The following KIAA2012 variants were observed in gnomAD, a reference collection of about 807,000 sequenced individuals.
KIAA2012 encodes the protein KIAA2012, also known as uncharacterized protein KIAA2012.
Under a neutral mutation model 150.6 loss-of-function variants are expected in KIAA2012, and 125 were observed. The observed-to-expected ratio is 0.83, with a 90% confidence interval of 0.72 to 0.96. The LOEUF (loss-of-function observed/expected upper bound fraction) is 0.96. Among genes scored for constraint, KIAA2012 ranks in the 40% least tolerant of loss-of-function variants. The probability of loss-of-function intolerance (pLI) is 0.00; values close to 1 mark genes in which losing one functional copy is unlikely to be tolerated. For missense variants in KIAA2012, 1,219 were observed against 1,354.9 expected, an observed-to-expected ratio of 0.90 and a Z score of 1.57; for synonymous variants, 462 against 504.7, an observed-to-expected ratio of 0.92 and a Z score of 1.13.
chr2:202,183,226 C>T (rs1419297185), intron 15 of KIAA2012, among the ~76,000 whole-genome samples: 2 of 151,990 alleles, frequency 1.3e-5, no homozygotes, highest in Non-Finnish European at 2.9e-5. Context: ...TCGAGACCAG[C>T]CTAGGCAACA....
At chr2:202,093,997 T>C (rs1689800012) in intron 4 of KIAA2012, among the ~76,000 whole-genome samples, 1 of 152,124 alleles carries the variant, frequency 6.6e-6, no homozygotes, top group African/African-American at 2.4e-5. Flanking sequence ...AACATAAGAT[T>C]TTTGGCCAGG....
chr2:202,075,263 C>G (rs1689301828), intron 2 of KIAA2012, 88 bp downstream of exon 2: 1 of 1,397,190 alleles, frequency 7.2e-7, no homozygotes, highest in Admixed American at 2.8e-5. Flanking sequence ...TTTCTTGGAC[C>G]CGGGGAAGGT....
At chr2:202,133,506 G>T (rs1196698942) in intron 12 of KIAA2012, among the ~76,000 whole-genome samples, 1 of 152,030 alleles carries the variant, frequency 6.6e-6, no homozygotes, top group African/African-American at 2.4e-5. Context: ...ATAAGTAAAA[G>T]GACTGTTATC....
At chr2:202,081,261 C>T (rs1419811036) in intron 2 of KIAA2012, among the ~76,000 whole-genome samples, 1 of 152,210 alleles carries the variant, frequency 6.6e-6, no homozygotes, top group South Asian at 2.1e-4. Context: ...TCAACAGACA[C>T]TTAAGTTGCT....
In KIAA2012 at chr2:202,126,617, A is replaced by ATGGTGG. The variant is rs60119764; in HGVS notation, c.1831+1371_1831+1376dup. Among the ~76,000 whole-genome samples the ATGGTGG allele has an allele frequency of 8.4e-3, 1,232 of 146,210 alleles. 28 individuals are homozygous for ATGGTGG. Among genetic ancestry groups the ATGGTGG allele is most frequent in the East Asian group, 0.065 (316 of 4,832 alleles). On this transcript the variant is annotated intron_variant, in intron 12 of 23. Transcript: ENST00000498697. ...GGAGCCCTCAGTAAAAATGATGATGATGGTGGTGGTGGTGGTGGTGGTGGT... is the reference window on the plus strand; with the variant it reads ...GGAGCCCTCAGTAAAAATGATGATGATGGTGGTGGTGGTGGTGGTGGTGGTGGTGGT...
At chr2:202,101,228 T>G (rs912296386) in intron 7 of KIAA2012, among the ~76,000 whole-genome samples, 6 of 152,370 alleles carry the variant, frequency 3.9e-5, no homozygotes, top group African/African-American at 1.4e-4. Context: ...CAGGGATTCA[T>G]GTCATCTGAA....
intron 22 of KIAA2012, among the ~76,000 whole-genome samples, chr2:202,201,113 TA>T (rs1692514565): frequency 1.3e-5 from 2 of 152,184 alleles, no homozygotes; most frequent in African/African-American, 4.8e-5. Flanking sequence ...TACTCCAAAT[TA>T]AAGGAAGATC....
intron 2 of KIAA2012, among the ~76,000 whole-genome samples, chr2:202,077,928 A>G (rs1689360994): frequency 1.3e-5 from 2 of 152,242 alleles, no homozygotes. Flanking sequence ...AAACTTTTAA[A>G]ATCATAATAC....
intron 15 of KIAA2012, among the ~76,000 whole-genome samples, chr2:202,167,543 A>G (rs1189205149): frequency 6.6e-6 from 1 of 152,214 alleles, no homozygotes; most frequent in East Asian, 1.9e-4. Context: ...AGTAGGAAGG[A>G]ATACTGGACA....
intron 8 of KIAA2012, among the ~76,000 whole-genome samples, chr2:202,105,449 C>T (rs1369537847): frequency 6.6e-6 from 1 of 152,202 alleles, no homozygotes; most frequent in Non-Finnish European, 1.5e-5. Flanking sequence ...CCTGCAATTC[C>T]ATGCTAATCT....
At position 202,156,702 on chromosome 2, in the gene KIAA2012, G is replaced by A. The variant is rs189018860; in HGVS notation, c.2046+1892G>A. On this transcript the variant is annotated intron_variant, in intron 14 of 23. Transcript: ENST00000498697. ...AGATCGAGACCAGCCTGGCTAACAC[G>A]GTGAAACCCCATCTCTACTAAAAAT... 8.1e-4 allele frequency among the ~76,000 whole-genome samples: 124 copies of A among 152,250 alleles called. 1 individual carries two copies. In the East Asian group the frequency reaches 0.022, roughly 27 times the overall value.
At chr2:202,079,025 G>A (rs762815837) in intron 2 of KIAA2012, among the ~76,000 whole-genome samples, 3 of 152,048 alleles carry the variant, frequency 2.0e-5, no homozygotes, top group African/African-American at 4.8e-5. Flanking sequence ...GTGAAACCCC[G>A]TTTCTACTAA....
At chr2:202,102,142 A>G (rs185004279) in intron 7 of KIAA2012, among the ~76,000 whole-genome samples, 143 of 152,164 alleles carry the variant, frequency 9.4e-4, no homozygotes, top group African/African-American at 3.4e-3. Context: ...GGAGGCTGTT[A>G]CTACTACCCC....
chr2:202,151,799 T>C (rs1218572775), intron 13 of KIAA2012, among the ~76,000 whole-genome samples: 1 of 152,212 alleles, frequency 6.6e-6, no homozygotes, highest in Non-Finnish European at 1.5e-5. Context: ...CCTTACTCTG[T>C]TGCCCAGGCT....
Position 202,205,118 on chromosome 2 carries a change from C to CT in KIAA2012, c.*142dup, listed in dbSNP as rs1311810286. ...TTGTGAAATGCCTATTTTATCAGCA[C>CT]TGCTAACCAGATAAGCACACATTTA... On this transcript the variant is annotated 3_prime_UTR_variant, in exon 24 of 24. Transcript: ENST00000498697. 1.3e-5 allele frequency: 2 copies of CT among 152,338 alleles called. No individual in the cohort carries two copies. Among genetic ancestry groups the CT allele is most frequent in the Non-Finnish European group, 2.9e-5 (2 of 68,028 alleles). 9.4% of individuals were successfully genotyped at this position (152,338 alleles called of 1,614,324 possible).
intron 21 of KIAA2012, among the ~76,000 whole-genome samples, chr2:202,196,104 C>T (rs1404411480): frequency 6.7e-6 from 1 of 150,084 alleles, no homozygotes; most frequent in Non-Finnish European, 1.5e-5. Flanking sequence ...CTTCAGCAGA[C>T]AAAACTGTGG....
intron 8 of KIAA2012, among the ~76,000 whole-genome samples, chr2:202,103,921 G>A (rs1300133699): frequency 6.6e-6 from 1 of 152,058 alleles, no homozygotes; most frequent in African/African-American, 2.4e-5. Context: ...GACTTCTCTG[G>A]GCCCTCTGGG....
chr2:202,089,665 C>G (rs1232164875), intron 2 of KIAA2012, among the ~76,000 whole-genome samples: 1 of 152,104 alleles, frequency 6.6e-6, no homozygotes, highest in Admixed American at 6.5e-5. Flanking sequence ...TTTCATGGAG[C>G]ATCCAAGAAT....
At chr2:202,079,483 C>T (rs1039835912) in intron 2 of KIAA2012, among the ~76,000 whole-genome samples, 3 of 152,226 alleles carry the variant, frequency 2.0e-5, no homozygotes, top group East Asian at 3.9e-4. Flanking sequence ...TACAGGCTGT[C>T]GCAGAAAGGT....
Sources: allele counts gnomAD v4.1 joint callset (sites outside exome capture counted in the v4.1 genomes callset), GRCh38; gene constraint gnomAD v4.1.1; transcripts MANE v1.5; gene names NCBI Gene and HGNC (gene_info 2026-07-23, HGNC 2026-07-21).